The following EPHB2 variants were observed in gnomAD, a reference collection of about 807,000 sequenced individuals.
The protein encoded by EPHB2 is ephrin type-B receptor 2.
EPHB2 carries 18 observed loss-of-function variants against 96.4 expected under a neutral mutation model. That is an observed-to-expected ratio of 0.19 (90% CI 0.13 to 0.28). The LOEUF (loss-of-function observed/expected upper bound fraction) is 0.28. Ranked by LOEUF, EPHB2 falls within the 10% of genes least tolerant of loss-of-function variation. EPHB2 has a pLI of 1.00. For missense variants in EPHB2, 989 were observed against 1,355.4 expected, an observed-to-expected ratio of 0.73 and a Z score of 4.25; for synonymous variants, 506 against 534.1, an observed-to-expected ratio of 0.95 and a Z score of 0.72.
chr1:22,730,800 G>A (rs1467564587), intron 1 of EPHB2, among the ~76,000 whole-genome samples: 1 of 152,184 alleles, frequency 6.6e-6, no homozygotes, highest in African/African-American at 2.4e-5. Context: ...TCTACCTGGA[G>A]TGAGATGGGA....
chr1:22,762,978 C>T (rs901636694), intron 1 of EPHB2, among the ~76,000 whole-genome samples: 7 of 152,142 alleles, frequency 4.6e-5, no homozygotes, highest in Non-Finnish European at 8.8e-5. Flanking sequence ...CCAGCCACCA[C>T]GCAGACCCTC....
chr1:22,897,937 CA>C (rs1242733207), intron 9 of EPHB2, among the ~76,000 whole-genome samples: 4 of 151,574 alleles, frequency 2.6e-5, no homozygotes, highest in Admixed American at 2.6e-4. Flanking sequence ...CTGTCTCTAC[CA>C]AAAAAAGTTC....
chr1:22,778,681 C>T (rs1201806916), intron 1 of EPHB2, among the ~76,000 whole-genome samples: 1 of 152,360 alleles, frequency 6.6e-6, no homozygotes, highest in African/African-American at 2.4e-5. Context: ...GCAAACCAGC[C>T]AGCCCATTTA....
intron 2 of EPHB2, among the ~76,000 whole-genome samples, chr1:22,782,557 C>T (rs995522330): frequency 5.9e-5 from 9 of 152,032 alleles, no homozygotes; most frequent in African/African-American, 1.9e-4. Context: ...TCTGCGAAGG[C>T]GGCTGGGCCC....
At position 22,918,464 on chromosome 1, in the gene EPHB2, C is replaced by T. The variant is rs1640322560; in HGVS notation, c.*4894C>T. ...TCAGGAAACCCATCCCTGCCCTGGT[C>T]ACCCTAGTCCTGGAGAGATCACCCA... On this transcript the variant is annotated 3_prime_UTR_variant, in exon 16 of 16. Coordinates refer to ENST00000374630, the MANE Select transcript of EPHB2 (RefSeq NM_017449.5). The surrounding 1 kb of genome is among the most constrained non-coding windows in gnomAD (Gnocchi z 4.2). 6.6e-6 allele frequency: 1 copy of T among 152,254 alleles called. No homozygotes were observed. The highest frequency in any genetic ancestry group is 2.4e-5 in the African/African-American group (1 of 41,440). 9.4% of individuals were successfully genotyped at this position (152,254 alleles called of 1,614,324 possible).
chr1:22,776,073 C>T (rs1310508745), intron 1 of EPHB2, among the ~76,000 whole-genome samples: 4 of 152,126 alleles, frequency 2.6e-5, no homozygotes, highest in Admixed American at 6.5e-5. Flanking sequence ...AGCTGCTAAC[C>T]GTTCATGGCC....
intron 3 of EPHB2, among the ~76,000 whole-genome samples, chr1:22,838,695 G>A (rs1228416943): frequency 2.0e-5 from 3 of 152,196 alleles, no homozygotes; most frequent in Non-Finnish European, 2.9e-5. Context: ...TTGGGAGGCC[G>A]AGGCGGATGG....
At chr1:22,716,867 G>A (rs913458644) in intron 1 of EPHB2, among the ~76,000 whole-genome samples, 5 of 152,342 alleles carry the variant, frequency 3.3e-5, no homozygotes, top group Non-Finnish European at 7.3e-5. Context: ...TGCAGAGCAC[G>A]GTGGGCCTCC....
At chr1:22,800,825 A>G (rs558323916) in intron 3 of EPHB2, among the ~76,000 whole-genome samples, 2 of 152,044 alleles carry the variant, frequency 1.3e-5, no homozygotes, top group East Asian at 3.9e-4. Flanking sequence ...GGACCAAGAT[A>G]TGTCAGGGCC....
intron 1 of EPHB2, among the ~76,000 whole-genome samples, chr1:22,716,154 A>C (rs1357881526): frequency 6.6e-6 from 1 of 152,154 alleles, no homozygotes; most frequent in Non-Finnish European, 1.5e-5. Flanking sequence ...CATCAGGGGA[A>C]AATACTCAGA....
At chr1:22,879,873 G>GCC (rs1311267996) in intron 5 of EPHB2, among the ~76,000 whole-genome samples, 2 of 152,238 alleles carry the variant, frequency 1.3e-5, no homozygotes, top group Admixed American at 6.5e-5. Context: ...GGGTCAGGCA[G>GCC]CCTCCCCTGG....
At chr1:22,792,714 T>C (rs1644712151) in intron 3 of EPHB2, among the ~76,000 whole-genome samples, 1 of 152,146 alleles carries the variant, frequency 6.6e-6, no homozygotes, top group South Asian at 2.1e-4. Flanking sequence ...AGCTAACACT[T>C]GTTGAGTGTC....
intron 1 of EPHB2, among the ~76,000 whole-genome samples, chr1:22,752,952 T>G (rs1433911014): frequency 5.6e-5 from 8 of 142,480 alleles, no homozygotes; most frequent in African/African-American, 2.0e-4. Context: ...CTGGGCTATG[T>G]TTTTTTTTTT....
At position 22,784,900 on chromosome 1, in the gene EPHB2, C is replaced by T. The variant is rs202146067; in HGVS notation, c.635C>T (p.Ser212Leu). 7 of 1,613,920 alleles carry T rather than the reference C, an allele frequency of 4.3e-6. No homozygotes were observed. The highest frequency in any genetic ancestry group is 2.7e-5 in the African/African-American group (2 of 75,062). ...QNGAIFQETL[S>L]GAESTSLVAA... ...GGCGCCATCTTCCAGGAAACCCTGT[C>T]GGGGGCTGAGAGCACATCGCTGGTG... Residue 212 changes from serine (S) to leucine (L), a missense_variant, in exon 3 of 16, where the codon TCG becomes TTG. Transcript: ENST00000374630. The surrounding 1 kb of genome is among the most constrained non-coding windows in gnomAD (Gnocchi z 5.1).
rs571482734 is a variant in EPHB2, at chr1:22,787,923, G to A, written c.811+2847G>A. Among the ~76,000 whole-genome samples the A allele has an allele frequency of 1.6e-3, 242 of 152,320 alleles. 1 individual carries two copies. Among genetic ancestry groups the A allele is most frequent in the African/African-American group, 4.9e-3 (204 of 41,566 alleles). On this transcript the variant is annotated intron_variant, in intron 3 of 15. Coordinates refer to ENST00000374630, the MANE Select transcript of EPHB2 (RefSeq NM_017449.5). ...GTCTGCTTTTAAGGTCACTCACGGG[G>A]TTGTTGGCAGGACTCTGTCCCTCAC... is the stretch of plus-strand genomic sequence containing the variant.
rs1179005024 is a variant in EPHB2 at position 22,807,149 on chromosome 1, C to A, written c.811+22073C>A. ...CACCTCCCCTTCTCCCCTTCTGTCT[C>A]CTCTGCTCCTCTGGGCCTGCTTCCT... On this transcript the variant is annotated intron_variant, in intron 3 of 15. Transcript: ENST00000374630. Among the ~76,000 whole-genome samples, 3 of 152,228 alleles carry A rather than the reference C, an allele frequency of 2.0e-5. No individual in the cohort carries two copies. The East Asian group carries it at 5.8e-4, about 29-fold the overall frequency.
rs891199447 is a variant in EPHB2, at chr1:22,913,193, G to T, written c.2853-269G>T. 1 of 525,476 alleles carries T rather than the reference G, an allele frequency of 1.9e-6. No individual in the cohort carries two copies. Among genetic ancestry groups the T allele is most frequent in the Non-Finnish European group, 3.5e-6 (1 of 289,396 alleles). The allele number at this position is 525,476 out of a possible 1,614,324, so 32.6% of individuals were successfully genotyped here. A position where few individuals can be genotyped will look rare whatever the true frequency, so the allele number is the denominator to read the frequency against. ...GGGTGACAGAGCGAGACTCTGTCTCGAAAAAGAAAGAAAATGTAAGCTGGC... is the reference window on the plus strand; with the variant it reads ...GGGTGACAGAGCGAGACTCTGTCTCTAAAAAGAAAGAAAATGTAAGCTGGC... On this transcript the variant is annotated intron_variant, in intron 15 of 15. Transcript: ENST00000374630. The surrounding 1 kb of genome is among the most constrained non-coding windows in gnomAD (Gnocchi z 4.1).
intron 1 of EPHB2, among the ~76,000 whole-genome samples, chr1:22,779,917 C>T (rs997852675): frequency 6.6e-6 from 1 of 152,226 alleles, no homozygotes; most frequent in Non-Finnish European, 1.5e-5. Context: ...CTCTCACCCA[C>T]TCTCACTGAG....
chr1:22,755,271 G>A (rs912634489), intron 1 of EPHB2, among the ~76,000 whole-genome samples: 3 of 152,174 alleles, frequency 2.0e-5, no homozygotes, highest in Non-Finnish European at 2.9e-5. Context: ...TGGCGAGGGC[G>A]TGGACATGCC....
Sources: gnomAD v4.1 joint callset for allele counts (sites outside exome capture counted in the v4.1 genomes callset) on GRCh38, gnomAD v4.1.1 for gene constraint, Gnocchi (gnomAD v3.1) non-coding constraint, MANE v1.5 for transcripts, NCBI Gene and HGNC (gene_info 2026-07-23, HGNC 2026-07-21) for gene names.